Variants in PNKD observed in about 807,000 individuals in gnomAD.
The protein encoded by PNKD is probable thioesterase PNKD.
Under a neutral mutation model 45.3 loss-of-function variants are expected in PNKD, and 36 were observed. The observed-to-expected ratio is 0.80, with a 90% CI of 0.61 to 1.05. The LOEUF (loss-of-function observed/expected upper bound fraction) is 1.05. Ranked by LOEUF, PNKD falls within the 50% of genes least tolerant of loss-of-function variation. PNKD has a pLI of 0.00. For synonymous variants in PNKD, 197 were observed against 210.1 expected, an observed-to-expected ratio of 0.94 and a Z score of 0.54; for missense variants, 511 against 506.6, an observed-to-expected ratio of 1.01 and a Z score of -0.08.
At chr2:218,304,476 AC>A (rs926088837) in intron 2 of PNKD, among the ~76,000 whole-genome samples, 4 of 151,880 alleles carry the variant, frequency 2.6e-5, no homozygotes, top group Admixed American at 2.6e-4. Context: ...TCCCTTCCTG[AC>A]CCTTCAGGCC....
chr2:218,332,750 C>T (rs897292359), intron 2 of PNKD, among the ~76,000 whole-genome samples: 1 of 152,094 alleles, frequency 6.6e-6, no homozygotes, highest in Non-Finnish European at 1.5e-5. Context: ...GTACCTCCTG[C>T]CCCTTTTCTC....
chr2:218,299,538 G>A (rs1018193964), intron 2 of PNKD, among the ~76,000 whole-genome samples: 3 of 152,122 alleles, frequency 2.0e-5, no homozygotes, highest in African/African-American at 4.8e-5. Flanking sequence ...TCAGCCCCCT[G>A]GGCTCAAGCC....
chr2:218,278,483 C>A, intron 2 of PNKD: 1 of 1,609,464 alleles, frequency 6.2e-7, no homozygotes, highest in East Asian at 2.2e-5. Context: ...TCCCTGTCAC[C>A]CCTCTCACTG....
At chr2:218,303,033 A>C (rs1295827520) in intron 2 of PNKD, among the ~76,000 whole-genome samples, 1 of 152,044 alleles carries the variant, frequency 6.6e-6, no homozygotes, top group Non-Finnish European at 1.5e-5. Context: ...TCTGCCTGCC[A>C]GGTTCAAGTG....
intron 2 of PNKD, among the ~76,000 whole-genome samples, chr2:218,335,950 C>T (rs918880902): frequency 6.6e-6 from 1 of 151,884 alleles, no homozygotes; most frequent in African/African-American, 2.4e-5. Flanking sequence ...GGCGTGGTGG[C>T]TCATGTCTGT....
chr2:218,278,661 G>A, intron 2 of PNKD: 1 of 1,334,984 alleles, frequency 7.5e-7, no homozygotes, highest in Non-Finnish European at 1.1e-6. Flanking sequence ...ATAGCCGTTT[G>A]GAAGTCTGAG....
At chr2:218,279,980 A>G in intron 2 of PNKD, 1 of 1,487,094 alleles carries the variant, frequency 6.7e-7, no homozygotes, top group Non-Finnish European at 9.4e-7. Flanking sequence ...CCATTCCCAC[A>G]GCCTGAGGGG....
In PNKD at chr2:218,326,174, G is replaced by A. The variant is rs1052981628; in HGVS notation, c.237-13609G>A. ...GCAAATAGAGGATTCTACTGGGGGTGGAAAGGCAATGATGGAAACACCAGG... is the reference window on the plus strand; with the variant it reads ...GCAAATAGAGGATTCTACTGGGGGTAGAAAGGCAATGATGGAAACACCAGG... On this transcript the variant is annotated intron_variant, in intron 2 of 9. Coordinates refer to ENST00000273077, the MANE Select transcript of PNKD (RefSeq NM_015488.5). This position sits in a 1 kb window ranked among gnomAD's most constrained non-coding sequence, Gnocchi z 4.1. Among the ~76,000 whole-genome samples, 1 of 152,102 alleles carries A rather than the reference G, an allele frequency of 6.6e-6. No individual in the cohort carries two copies. Among genetic ancestry groups the A allele is most frequent in the Admixed American group, 6.6e-5 (1 of 15,262 alleles).
At chr2:218,323,527 C>A in intron 2 of PNKD, 1 of 1,129,378 alleles carries the variant, frequency 8.9e-7, no homozygotes, top group Non-Finnish European at 1.2e-6. Context: ...GTGGGCGTGG[C>A]GGTTAGGAAG....
chr2:218,292,263 C>A (rs1375372225), intron 2 of PNKD, among the ~76,000 whole-genome samples: 1 of 152,238 alleles, frequency 6.6e-6, no homozygotes, highest in African/African-American at 2.4e-5. Flanking sequence ...CCCGGCCGCC[C>A]ACCCGCGCGC....
chr2:218,277,826 G>T, intron 2 of PNKD: 1 of 1,555,832 alleles, frequency 6.4e-7, no homozygotes, highest in Admixed American at 1.7e-5. Flanking sequence ...GCCCAGATAA[G>T]GTGGAGGAGA....
intron 2 of PNKD, among the ~76,000 whole-genome samples, chr2:218,314,110 A>G (rs1693695376): frequency 6.6e-6 from 1 of 150,962 alleles, no homozygotes; most frequent in Admixed American, 6.6e-5. Context: ...TTTAGTAGAG[A>G]CAGGGTTTCT....
intron 2 of PNKD, chr2:218,278,241 TACTC>T: frequency 3.3e-6 from 2 of 604,204 alleles, no homozygotes; most frequent in South Asian, 4.1e-5. Flanking sequence ...GGGAGAAAGT[TACTC>T]AGCCTCTTTG....
At chr2:218,329,498 C>T (rs576405323) in intron 2 of PNKD, among the ~76,000 whole-genome samples, 25 of 152,368 alleles carry the variant, frequency 1.6e-4, no homozygotes, top group Non-Finnish European at 2.5e-4. Context: ...GAGAGGCCAC[C>T]AGCTCTTACT....
intron 2 of PNKD, among the ~76,000 whole-genome samples, chr2:218,302,284 G>A (rs1421632951): frequency 6.6e-6 from 1 of 152,082 alleles, no homozygotes; most frequent in Non-Finnish European, 1.5e-5. Flanking sequence ...GGAGGCAGAG[G>A]TTGCAGTGAG....
Position 218,319,820 on chromosome 2 carries a change from G to A in PNKD, c.237-19963G>A, listed in dbSNP as rs182319510. On this transcript the variant is annotated intron_variant, in intron 2 of 9. Coordinates refer to ENST00000273077, the MANE Select transcript of PNKD (RefSeq NM_015488.5). The stretch of plus-strand genomic sequence containing the variant: ...TCTGGGAGGCGAAATCGCCACTGTT[G>A]AAAGCCACTGGCATATGCCATGTAG... Among the ~76,000 whole-genome samples the A allele has an allele frequency of 1.8e-3, 267 of 152,370 alleles. 1 individual carries two copies. Among genetic ancestry groups the A allele is most frequent in the African/African-American group, 6.1e-3 (255 of 41,586 alleles).
intron 2 of PNKD, among the ~76,000 whole-genome samples, chr2:218,301,097 G>T (rs765406957): frequency 4.2e-4 from 64 of 152,052 alleles, no homozygotes; most frequent in Non-Finnish European, 7.5e-4. Flanking sequence ...AGAAAGTAGA[G>T]GAATAAAGAA....
intron 2 of PNKD, among the ~76,000 whole-genome samples, chr2:218,330,025 C>CG (rs1208348646): frequency 0.077 from 10 of 130 alleles, no homozygotes; most frequent in African/African-American, 0.16. Context: ...AGTCCCCGGC[C>CG]AGGCCCCACC....
At chr2:218,334,664 G>T in intron 2 of PNKD, 1 of 701,848 alleles carries the variant, frequency 1.4e-6, no homozygotes, top group Non-Finnish European at 2.6e-6. Context: ...AAGAATTATA[G>T]ATTTGCATTT....
Sources: gnomAD v4.1 joint callset for allele counts (sites outside exome capture counted in the v4.1 genomes callset) on GRCh38, gnomAD v4.1.1 for gene constraint, Gnocchi (gnomAD v3.1) non-coding constraint, MANE v1.5 for transcripts, NCBI Gene and HGNC (gene_info 2026-07-23, HGNC 2026-07-21) for gene names.